ANK3: variants seen among roughly 807,000 people sequenced by gnomAD.
The protein encoded by ANK3 is ankyrin 3.
ANK3 carries 57 observed loss-of-function variants against 370.9 expected under a neutral mutation model. The observed-to-expected ratio is 0.15, with a 90% CI of 0.12 to 0.19. ANK3 has a LOEUF of 0.19. Among genes scored for constraint, ANK3 ranks in the 10% least tolerant of loss-of-function variants. The pLI is 1.00. For missense variants in ANK3, 4,439 were observed against 5,302.1 expected (o/e 0.84, Z 5.06); for synonymous variants, 1,929 against 1,946.3 (o/e 0.99, Z 0.23).
chr10:60,319,159 A>G (rs893277748), intron 1 of ANK3, among the ~76,000 whole-genome samples: 2 of 152,172 alleles, frequency 1.3e-5, no homozygotes, highest in African/African-American at 4.8e-5. Flanking sequence ...GAAAAAAAAC[A>G]CTGTTCACAG....
At position 60,086,779 on chromosome 10, in the gene ANK3, T is replaced by C; in HGVS notation, c.3646A>G (p.Ile1216Val). The change falls in exon 30 of 44, where the codon ATC (isoleucine) becomes GTC (valine). Residue 1216 changes from isoleucine (I) to valine (V), a missense_variant. Physicochemically the swap from Ile to Val is conservative, Grantham distance 29 (BLOSUM62 3). Coordinates refer to ENST00000280772, the MANE Select transcript of ANK3 (RefSeq NM_020987.5). ...GGGGGCACCGGAATGGTCATTGTGA[T>C]TGGTTTATGGAATTTCCGTCTTCTT... The part of the protein sequence containing the change: ...EPRRRKFHKP[I>V]TMTIPVPPPS... 6.2e-7 allele frequency: 1 copy of C among 1,614,058 alleles called. No individual in the cohort carries two copies. The highest frequency in any genetic ancestry group is 8.5e-7 in the Non-Finnish European group (1 of 1,179,988).
intron 2 of ANK3, among the ~76,000 whole-genome samples, chr10:60,599,384 C>T (rs765507191): frequency 5.3e-5 from 8 of 152,112 alleles, no homozygotes; most frequent in African/African-American, 9.7e-5. Flanking sequence ...TGTGGATATT[C>T]GATACCGCGC....
At chr10:60,240,099 C>T (rs1339811565) in intron 7 of ANK3, among the ~76,000 whole-genome samples, 17 of 115,608 alleles carry the variant, frequency 1.5e-4, no homozygotes, top group African/African-American at 5.3e-4. Flanking sequence ...TATATACACA[C>T]ACATAAATAC....
At chr10:60,569,026 GTTGT>G (rs1401189882) in intron 2 of ANK3, among the ~76,000 whole-genome samples, 1 of 146,898 alleles carries the variant, frequency 6.8e-6, no homozygotes, top group African/African-American at 2.5e-5. Context: ...ATAAATTTGT[GTTGT>G]TTAAGCCACC....
At chr10:60,206,859 C>T (rs879800219) in intron 10 of ANK3, among the ~76,000 whole-genome samples, 11 of 152,174 alleles carry the variant, frequency 7.2e-5, no homozygotes, top group Non-Finnish European at 1.2e-4. Context: ...ACTGTAAAAG[C>T]TTAGGTCAAA....
intron 1 of ANK3, among the ~76,000 whole-genome samples, chr10:60,281,371 T>A (rs922118): frequency 3.9e-5 from 6 of 152,096 alleles, no homozygotes; most frequent in African/African-American, 1.4e-4. Flanking sequence ...CCCCCATTTG[T>A]GATAACTAAA....
At chr10:60,155,600 A>T (rs1277536565) in intron 23 of ANK3, among the ~76,000 whole-genome samples, 1 of 152,174 alleles carries the variant, frequency 6.6e-6, no homozygotes, top group East Asian at 1.9e-4. Context: ...GAAGGATGCA[A>T]AGTATTGTTC....
intron 12 of ANK3, among the ~76,000 whole-genome samples, chr10:60,201,784 T>C (rs1288441759): frequency 6.6e-6 from 1 of 151,256 alleles, no homozygotes; most frequent in Non-Finnish European, 1.5e-5. Flanking sequence ...TGATCTTGGC[T>C]TACTGCAACC....
Position 60,073,758 on chromosome 10 carries a change from A to G in ANK3, c.7123T>C (p.Phe2375Leu). ...AAAGCATCGTGTTTTTCTGGCAGAA[A>G]ATCTTTTAGGTTAATATCTCCCCGG... ...LSRGDINLKD[F>L]LPEKHDAFPC... The change falls in exon 37 of 44, where the codon TTT becomes CTT. Residue 2375 changes from phenylalanine (F) to leucine (L), a missense_variant. Physicochemically the swap from Phe to Leu is conservative, Grantham distance 22 (BLOSUM62 0). Transcript: ENST00000280772. 1 of 1,613,818 alleles carries G rather than the reference A, an allele frequency of 6.2e-7. No individual in the cohort carries two copies. Among genetic ancestry groups the G allele is most frequent in the African/African-American group, 1.3e-5 (1 of 75,012 alleles).
Position 60,186,774 on chromosome 10 carries a change from G to A in ANK3, c.2026C>T (p.His676Tyr). 2 of 1,614,116 alleles carry A rather than the reference G, an allele frequency of 1.2e-6. No individual in the cohort carries two copies. The highest frequency in any genetic ancestry group is 1.7e-6 in the Non-Finnish European group (2 of 1,180,008). ...ASVHLAAQEG[H>Y]VDMVSLLLGR... is the part of the protein sequence containing the mutation. ...AGGAGCAGCGACACCATGTCCACGT[G>A]CCCTTCCTGAGCTGCGAGATGGACG... Residue 676 changes from histidine to tyrosine, a missense_variant, in exon 17 of 44, where the codon CAC becomes TAC. Physicochemically the swap from His to Tyr is moderately conservative, Grantham distance 83. This residue lies in a region of ANK3 where 192 missense variants were observed against 192.1 expected (regional missense o/e 1.00). Transcript: ENST00000280772.
rs1185423336 is a variant in ANK3, at chr10:60,228,275, G to A, written c.897+6413C>T. Among the ~76,000 whole-genome samples, 5 of 152,136 alleles carry A rather than the reference G, an allele frequency of 3.3e-5. No homozygotes were observed. The East Asian group carries it at 9.6e-4, about 29-fold the overall frequency. On this transcript the variant is annotated intron_variant, in intron 8 of 43. Transcript: ENST00000280772. ...ATTTTGGCCAGGTGCAGTGGCTCAT[G>A]CCTGTAATCCTGCACTTTGGGAGGC...
Position 60,236,950 on chromosome 10 carries a change from C to G in ANK3, c.799-2164G>C, listed in dbSNP as rs184663331. On this transcript the variant is annotated intron_variant, in intron 7 of 43. Transcript: ENST00000280772. Reference sequence around the variant, plus strand: ...CATGCAATATGTAAAGAAATGGGAGCGGTTGTGTTTCTAAAACTTTATTTA... The same window carrying G: ...CATGCAATATGTAAAGAAATGGGAGGGGTTGTGTTTCTAAAACTTTATTTA... Among the ~76,000 whole-genome samples the G allele has an allele frequency of 5.9e-5, 9 of 152,302 alleles. No individual in the cohort carries two copies. In the East Asian group the frequency reaches 1.2e-3, roughly 20 times the overall value.
chr10:60,232,983 G>T (rs2097269915), intron 8 of ANK3, among the ~76,000 whole-genome samples: 1 of 152,212 alleles, frequency 6.6e-6, no homozygotes, highest in East Asian at 1.9e-4. Flanking sequence ...CAGGATTGCA[G>T]GAGTTGCAGT....
intron 2 of ANK3, among the ~76,000 whole-genome samples, chr10:60,473,472 T>C (rs1334422348): frequency 6.6e-6 from 1 of 152,188 alleles, no homozygotes; most frequent in Non-Finnish European, 1.5e-5. Flanking sequence ...GTCAGGATTT[T>C]ACATTCACTA....
At chr10:60,713,033 A>G (rs993670734) in intron 1 of ANK3, among the ~76,000 whole-genome samples, 6 of 152,232 alleles carry the variant, frequency 3.9e-5, no homozygotes, top group Non-Finnish European at 5.9e-5. Flanking sequence ...CCTTTTTATC[A>G]GTAATTGACA....
chr10:60,458,162 A>G (rs577756435), intron 2 of ANK3, among the ~76,000 whole-genome samples: 1 of 152,226 alleles, frequency 6.6e-6, no homozygotes, highest in African/African-American at 2.4e-5. Context: ...TGTGCACAAA[A>G]ATCTCTGACT....
chr10:60,340,894 C>T (rs141137228), intron 1 of ANK3, among the ~76,000 whole-genome samples: 2 of 152,204 alleles, frequency 1.3e-5, no homozygotes, highest in East Asian at 1.9e-4. Flanking sequence ...ATTCTATTAT[C>T]GTAACCATTT....
At chr10:60,210,738 C>T (rs541450245) in intron 9 of ANK3, among the ~76,000 whole-genome samples, 1 of 152,150 alleles carries the variant, frequency 6.6e-6, no homozygotes, top group Non-Finnish European at 1.5e-5. Flanking sequence ...AAATAAAAAA[C>T]CAGATGAGGG....
chr10:60,115,105 T>C (rs558823388), intron 25 of ANK3, among the ~76,000 whole-genome samples: 2 of 152,222 alleles, frequency 1.3e-5, no homozygotes, highest in Non-Finnish European at 2.9e-5. Flanking sequence ...ACCAGAAATA[T>C]CTCTGAAGAG....
Sources: allele counts gnomAD v4.1 joint callset (sites outside exome capture counted in the v4.1 genomes callset), GRCh38; gene constraint gnomAD v4.1.1; regional missense constraint gnomAD v4.1.1; transcripts MANE v1.5; gene names NCBI Gene and HGNC (gene_info 2026-07-23, HGNC 2026-07-21).